Variants in SOX5 observed in about 807,000 individuals in gnomAD.
The protein encoded by SOX5 is transcription factor SOX-5.
In SOX5, 9 loss-of-function variants were observed where a neutral mutation model predicts 92.0. That is an observed-to-expected ratio of 0.10 (90% CI 0.06 to 0.17). SOX5 has a LOEUF of 0.17. SOX5 is among the 10% of genes least tolerant of loss of function. The pLI, the probability that SOX5 is intolerant of heterozygous loss-of-function variation, is 1.00. For synonymous variants in SOX5, 344 were observed against 336.3 expected, an observed-to-expected ratio of 1.02 and a Z score of -0.25; for missense variants, 642 against 944.5, an observed-to-expected ratio of 0.68 and a Z score of 4.20.
chr12:24,021,082 A>T (rs1238874513), intron 4 of SOX5, among the ~76,000 whole-genome samples: 5 of 152,192 alleles, frequency 3.3e-5, no homozygotes, highest in African/African-American at 4.8e-5. Flanking sequence ...CATCATTGGC[A>T]GGGCATTGGG....
intron 2 of SOX5, among the ~76,000 whole-genome samples, chr12:23,876,239 C>T (rs748533430): frequency 6.6e-6 from 1 of 152,070 alleles, no homozygotes; most frequent in Non-Finnish European, 1.5e-5. Context: ...TGACAAAGGG[C>T]TAATATCCAG....
Position 24,370,476 on chromosome 12 carries a change from C to CAAAAAAAAA in SOX5, c.-250-1846_-250-1838dup, listed in dbSNP as rs57192965. Among the ~76,000 whole-genome samples the CAAAAAAAAA allele has an allele frequency of 7.1e-3, 562 of 79,398 alleles. 22 individuals are homozygous for CAAAAAAAAA. Among genetic ancestry groups the CAAAAAAAAA allele is most frequent in the Middle Eastern group, 8.5e-3 (1 of 118 alleles). The allele number at this position is 79,398 out of a possible 152,430, so 52.1% of individuals were successfully genotyped here. A position where few individuals can be genotyped will look rare whatever the true frequency, so the allele number is the denominator to read the frequency against. On this transcript the variant is annotated intron_variant, in intron 1 of 4. Transcript: ENST00000446891. Reference sequence around the variant, plus strand: ...TGGGCGACACTGCAAGACTCCGTCTCAAAAAAAAAAAAAAAAAAAGATGTA... The same window carrying CAAAAAAAAA: ...TGGGCGACACTGCAAGACTCCGTCTCAAAAAAAAAAAAAAAAAAAAAAAAAAAAGATGTA...
intron 4 of SOX5, among the ~76,000 whole-genome samples, chr12:24,141,440 AAAG>A (rs1950573211): frequency 6.6e-6 from 1 of 152,208 alleles, no homozygotes; most frequent in Non-Finnish European, 1.5e-5. Flanking sequence ...AGATTGATGA[AAAG>A]AACACAGGCC....
chr12:23,581,352 A>C (rs1190212190), intron 9 of SOX5, among the ~76,000 whole-genome samples: 1 of 152,000 alleles, frequency 6.6e-6, no homozygotes, highest in Non-Finnish European at 1.5e-5. Flanking sequence ...AAATGATTAA[A>C]CCCTTCAGAA....
intron 2 of SOX5, among the ~76,000 whole-genome samples, chr12:24,361,755 G>A (rs12367401): frequency 7.2e-5 from 11 of 152,144 alleles, no homozygotes; most frequent in African/African-American, 2.7e-4. Context: ...AAAATTGACA[G>A]GACAAACTGA....
intron 2 of SOX5, among the ~76,000 whole-genome samples, chr12:24,345,091 T>C (rs1279432705): frequency 1.3e-5 from 2 of 152,194 alleles, no homozygotes; most frequent in Non-Finnish European, 2.9e-5. Context: ...TGGTCAGTCA[T>C]ACTCCTGAGG....
rs1228576554 is a variant in SOX5 at position 23,546,503 on chromosome 12, A to C, written c.1489-79T>G. On this transcript the variant is annotated intron_variant, in intron 11 of 14. Transcript: ENST00000451604. ...CTTTCTTTTTTTGGGCCACATATAT[A>C]ATACATTAACTCCTGGAAAGGATGC... 4 of 774,194 alleles carry C rather than the reference A, an allele frequency of 5.2e-6. No homozygotes were observed. The African/African-American group carries it at 5.3e-5, about 10-fold the overall frequency. 48.0% of individuals were successfully genotyped at this position (774,194 alleles called of 1,614,324 possible).
At chr12:24,383,269 A>T (rs1303713053) in intron 1 of SOX5, among the ~76,000 whole-genome samples, 1 of 152,162 alleles carries the variant, frequency 6.6e-6, no homozygotes, top group Non-Finnish European at 1.5e-5. Flanking sequence ...GTCTTTGATG[A>T]TGGTCTTTAA....
At chr12:24,306,319 T>C (rs967796736) in intron 2 of SOX5, among the ~76,000 whole-genome samples, 2 of 152,144 alleles carry the variant, frequency 1.3e-5, no homozygotes, top group African/African-American at 4.8e-5. Flanking sequence ...TGCTGTAATG[T>C]TTTTAGAATG....
chr12:23,949,478 G>T, intron 1 of SOX5, 86 bp downstream of exon 1: 3 of 1,513,064 alleles, frequency 2.0e-6, no homozygotes, highest in Non-Finnish European at 2.8e-6. Context: ...AACACGTTTT[G>T]GGGGAGCATC....
chr12:24,548,126 G>A (rs1371315212), intron 1 of SOX5, among the ~76,000 whole-genome samples: 7 of 152,244 alleles, frequency 4.6e-5, no homozygotes, highest in African/African-American at 1.7e-4. Context: ...TGCAGATGAG[G>A]AATCAGACTC....
chr12:24,511,458 A>C (rs965739053), intron 1 of SOX5, among the ~76,000 whole-genome samples: 1 of 152,206 alleles, frequency 6.6e-6, no homozygotes, highest in Admixed American at 6.5e-5. Context: ...AGTTTGATCA[A>C]ACTGCATCAA....
intron 1 of SOX5, among the ~76,000 whole-genome samples, chr12:24,381,532 T>C (rs1015105295): frequency 2.0e-5 from 3 of 152,206 alleles, no homozygotes; most frequent in Admixed American, 6.5e-5. Context: ...TCCCACCTTA[T>C]AGCCAGTGGA....
rs149000508 is a variant in SOX5, at chr12:24,245,773, A to C, written c.-77+31443T>G. On this transcript the variant is annotated intron_variant, in intron 3 of 4. Transcript: ENST00000446891. ...GGCTAGGTAATAACATAAAAGAAAG[A>C]GATATATCACATAGAGAATATAGAG... Among the ~76,000 whole-genome samples the C allele has an allele frequency of 2.3e-3, 345 of 152,350 alleles. 2 individuals are homozygous for C. Among genetic ancestry groups the C allele is most frequent in the African/African-American group, 8.1e-3 (335 of 41,562 alleles).
intron 1 of SOX5, among the ~76,000 whole-genome samples, chr12:24,525,444 A>C (rs565459670): frequency 1.7e-4 from 26 of 152,220 alleles, no homozygotes; most frequent in Non-Finnish European, 3.5e-4. Context: ...AATGAGCTCC[A>C]GAGACTTGCT....
At chr12:24,346,693 C>A (rs1329359910) in intron 2 of SOX5, among the ~76,000 whole-genome samples, 2 of 152,072 alleles carry the variant, frequency 1.3e-5, no homozygotes, top group Non-Finnish European at 1.5e-5. Flanking sequence ...CCTTGTGATC[C>A]ACCCGCCTTG....
chr12:24,327,350 A>C (rs1302191080), intron 2 of SOX5, among the ~76,000 whole-genome samples: 1 of 145,292 alleles, frequency 6.9e-6, no homozygotes, highest in Non-Finnish European at 1.5e-5. Flanking sequence ...ACGCAGGTGC[A>C]CAGAAGCAGA....
At position 23,606,939 on chromosome 12, in the gene SOX5, C is replaced by T. The variant is rs529559912; in HGVS notation, c.1018-2406G>A. Among the ~76,000 whole-genome samples the T allele has an allele frequency of 5.3e-5, 8 of 152,188 alleles. No individual in the cohort carries two copies. The South Asian group carries it at 1.5e-3, about 28-fold the overall frequency. On this transcript the variant is annotated intron_variant, in intron 8 of 14. Coordinates refer to ENST00000451604, the MANE Select transcript of SOX5 (RefSeq NM_006940.6). ...ATAATAACAGTATAATATCATTTGC[C>T]TTGCTGGTATTTCTACAGAATACAG...
chr12:24,469,101 G>A lies in SOX5; in HGVS notation c.-251+93228C>T, dbSNP rs554862380. Among the ~76,000 whole-genome samples, 19 of 152,250 alleles carry A rather than the reference G, an allele frequency of 1.2e-4. 1 individual carries two copies. The East Asian group carries it at 3.1e-3, about 25-fold the overall frequency. ...TCTGATCTTGTTTTTCTGCAACTAG[G>A]CGGTCCCATCTGGGTGTGATGGGAG... On this transcript the variant is annotated intron_variant, in intron 1 of 4. Coordinates refer to the SOX5 transcript ENST00000446891.
Sources: allele counts gnomAD v4.1 joint callset (sites outside exome capture counted in the v4.1 genomes callset), GRCh38; gene constraint gnomAD v4.1.1; transcripts MANE v1.5; gene names NCBI Gene and HGNC (gene_info 2026-07-23, HGNC 2026-07-21).